PCDHGA5: variants seen among roughly 807,000 people sequenced by gnomAD.
The protein encoded by PCDHGA5 is protocadherin gamma subfamily A, 5, also known as protocadherin gamma-A5.
A neutral mutation model predicts 56.7 loss-of-function variants in PCDHGA5; 36 were observed. That is an observed-to-expected ratio of 0.64 (90% CI 0.49 to 0.84). The LOEUF is 0.84. Among genes scored for constraint, PCDHGA5 ranks in the 40% least tolerant of loss-of-function variants. The pLI, the probability that PCDHGA5 is intolerant of heterozygous loss-of-function variation, is 0.00. For missense variants in PCDHGA5, 1,305 were observed against 1,201.5 expected (o/e 1.09, Z -1.27); for synonymous variants, 563 against 520.2 (o/e 1.08, Z -1.12).
chr5:141,403,339 C>A, intron 1 of PCDHGA5: 2 of 1,614,010 alleles, frequency 1.2e-6, no homozygotes, highest in Non-Finnish European at 1.7e-6. Flanking sequence ...TTAACGACAG[C>A]GCCCCAAAGT....
Position 141,404,160 on chromosome 5 carries a change from G to A in PCDHGA5, c.2421+37409G>A, listed in dbSNP as rs1308529085. On this transcript the variant is annotated intron_variant, in intron 1 of 3. Coordinates refer to ENST00000518069, the MANE Select transcript of PCDHGA5 (RefSeq NM_018918.3). The stretch of plus-strand genomic sequence containing the variant: ...GAAAATTCAGAAGAAGATTATTACA[G>A]ATTGTTGACGGCCCAAATTCTTGAC... The A allele has an allele frequency of 3.1e-6, 5 of 1,613,054 alleles. No homozygotes were observed. In the Admixed American group the frequency reaches 6.7e-5, roughly 22 times the overall value.
At chr5:141,454,870 C>T (rs2098805291) in intron 1 of PCDHGA5, among the ~76,000 whole-genome samples, 1 of 131,902 alleles carries the variant, frequency 7.6e-6, no homozygotes, top group Non-Finnish European at 1.5e-5. Context: ...TGCAGTGGCA[C>T]GATCTTGGCT....
At chr5:141,417,888 G>T (rs1406210540) in intron 1 of PCDHGA5, 1 of 1,566,768 alleles carries the variant, frequency 6.4e-7, no homozygotes, top group Middle Eastern at 1.7e-4. Context: ...CAGAGGCGCC[G>T]GGCCGGCCCG....
rs1361601199 is a variant in PCDHGA5, at chr5:141,365,029, C to T, written c.699C>T (p.Leu233=). The change falls in exon 1 of 4, where the codon CTC becomes CTT. Residue 233 remains leucine (L), a synonymous_variant. Coordinates refer to ENST00000518069, the MANE Select transcript of PCDHGA5 (RefSeq NM_018918.3). ...CCACGCACATCCGTGTTACGGTCCT[C>T]GACGCAAACGACAATGCGCCCCTGT... ...SGTTHIRVTV[L]DANDNAPLFT... 11 of 1,613,864 alleles carry T rather than the reference C, an allele frequency of 6.8e-6. No homozygotes were observed. The highest frequency in any genetic ancestry group is 9.3e-6 in the Non-Finnish European group (11 of 1,179,904).
chr5:141,441,155 T>A (rs2098229690), intron 1 of PCDHGA5: 1 of 152,230 alleles, frequency 6.6e-6, no homozygotes, highest in East Asian at 1.9e-4. Flanking sequence ...GACAATATCC[T>A]AGAGGCGATT....
Position 141,489,830 on chromosome 5 carries a change from A to C in PCDHGA5, c.2422-4977A>C. On this transcript the variant is annotated intron_variant, in intron 1 of 3. Transcript: ENST00000518069. The surrounding 1 kb of genome is among the most constrained non-coding windows in gnomAD (Gnocchi z 4.5). ...AAGCCATTCCCAGAGCTGGTGCTAG[A>C]GCAGCAGCTGGATCGTGAAGCCCAG... 1 of 1,614,200 alleles carries C rather than the reference A, an allele frequency of 6.2e-7. No homozygotes were observed. Among genetic ancestry groups the C allele is most frequent in the Non-Finnish European group, 8.5e-7 (1 of 1,180,010 alleles).
chr5:141,395,136 T>A, intron 1 of PCDHGA5: 1 of 1,614,202 alleles, frequency 6.2e-7, no homozygotes, highest in Non-Finnish European at 8.5e-7. Context: ...CCAGCCCAAC[T>A]ACGCAGACAT....
chr5:141,398,942 G>C (rs748252181), intron 1 of PCDHGA5: 1 of 1,613,766 alleles, frequency 6.2e-7, no homozygotes, highest in Non-Finnish European at 8.5e-7. Context: ...CAAGACGAGG[G>C]CATCAACTCA....
intron 1 of PCDHGA5, chr5:141,415,337 G>A: frequency 1.2e-6 from 2 of 1,614,210 alleles, no homozygotes; most frequent in Non-Finnish European, 1.7e-6. Flanking sequence ...CACAGGCTGC[G>A]GCGCTGGCAC....
At chr5:141,478,840 A>G (rs2099480064) in intron 1 of PCDHGA5, 1 of 1,410,466 alleles carries the variant, frequency 7.1e-7, no homozygotes, top group Non-Finnish European at 9.3e-7. Context: ...AGGGATGGTT[A>G]AGCTAAAACA....
chr5:141,456,321 G>A (rs2098849819), intron 1 of PCDHGA5, among the ~76,000 whole-genome samples: 1 of 152,154 alleles, frequency 6.6e-6, no homozygotes, highest in African/African-American at 2.4e-5. Context: ...GGCTCCTCCT[G>A]GGGTTGATCT....
rs539719239 is a variant in PCDHGA5, at chr5:141,431,888, G to A, written c.2422-62919G>A. The A allele has an allele frequency of 6.2e-7, 1 of 1,614,200 alleles. No homozygotes were observed. The highest frequency in any genetic ancestry group is 1.7e-5 in the Admixed American group (1 of 60,036). On this transcript the variant is annotated intron_variant, in intron 1 of 3. Coordinates refer to ENST00000518069, the MANE Select transcript of PCDHGA5 (RefSeq NM_018918.3). The surrounding 1 kb of genome is among the most constrained non-coding windows in gnomAD (Gnocchi z 4.8). ...TTTAAATGTAAATGACCAAGATTCT[G>A]AGGAAAACGGACAGGTGATCTGTTT... is the stretch of plus-strand genomic sequence containing the variant.
chr5:141,471,618 A>C (rs1421854064), intron 1 of PCDHGA5: 1 of 152,218 alleles, frequency 6.6e-6, no homozygotes, highest in Non-Finnish European at 1.5e-5. Context: ...TGGGAGTAGT[A>C]AGCATTGGTA....
At chr5:141,371,783 G>A in intron 1 of PCDHGA5, 1 of 1,613,986 alleles carries the variant, frequency 6.2e-7, no homozygotes, top group Non-Finnish European at 8.5e-7. Flanking sequence ...ATGTAGCTGA[G>A]AACAATCCGC....
intron 1 of PCDHGA5, among the ~76,000 whole-genome samples, chr5:141,461,391 G>A (rs1310387476): frequency 1.3e-5 from 2 of 152,058 alleles, no homozygotes; most frequent in East Asian, 1.9e-4. Context: ...GATGATTAGC[G>A]ATGTTGAGCA....
intron 1 of PCDHGA5, chr5:141,371,833 A>G (rs1171503468): frequency 1.2e-6 from 2 of 1,613,634 alleles, no homozygotes; most frequent in African/African-American, 2.7e-5. Flanking sequence ...TCGGATCCCG[A>G]CTTGGGACCT....
At chr5:141,450,957 T>G (rs2154563418) in intron 1 of PCDHGA5, among the ~76,000 whole-genome samples, 1 of 152,010 alleles carries the variant, frequency 6.6e-6, no homozygotes, top group Non-Finnish European at 1.5e-5. Context: ...CCCAAGTAGC[T>G]GGGATTACAG....
At chr5:141,405,140 G>A in intron 1 of PCDHGA5, 1 of 1,614,072 alleles carries the variant, frequency 6.2e-7, no homozygotes, top group Non-Finnish European at 8.5e-7. Flanking sequence ...GGCTACCAGT[G>A]ATGGGTTGGC....
At position 141,436,288 on chromosome 5, in the gene PCDHGA5, C is replaced by T. The variant is rs533281663; in HGVS notation, c.2422-58519C>T. On this transcript the variant is annotated intron_variant, in intron 1 of 3. Coordinates refer to ENST00000518069, the MANE Select transcript of PCDHGA5 (RefSeq NM_018918.3). ...CACCTAACTTGATTTAGGAACAAATCATTGAGAGTTAGAGCATGAATAGTC... is the reference window on the plus strand; with the variant it reads ...CACCTAACTTGATTTAGGAACAAATTATTGAGAGTTAGAGCATGAATAGTC... 3.9e-3 allele frequency among the ~76,000 whole-genome samples: 590 copies of T among 152,274 alleles called. 9 individuals are homozygous for T. Among genetic ancestry groups the T allele is most frequent in the Middle Eastern group, 0.01 (3 of 294 alleles).
Sources: gnomAD v4.1 joint callset for allele counts (sites outside exome capture counted in the v4.1 genomes callset) on GRCh38, gnomAD v4.1.1 for gene constraint, Gnocchi (gnomAD v3.1) non-coding constraint, MANE v1.5 for transcripts, NCBI Gene and HGNC (gene_info 2026-07-23, HGNC 2026-07-21) for gene names.